Variants in RTEL1 observed in about 807,000 individuals in gnomAD.
RTEL1 encodes regulator of telomere length.
RTEL1 carries 86 observed loss-of-function variants against 162.2 expected under a neutral mutation model. The ratio of observed to expected loss-of-function variants is 0.53; its 90% CI spans 0.45 to 0.63. The LOEUF is 0.63. Ranked by LOEUF, RTEL1 falls within the 30% of genes least tolerant of loss-of-function variation. The pLI, the probability that RTEL1 is intolerant of heterozygous loss-of-function variation, is 0.00. For missense variants in RTEL1, 1,941 were observed against 1,750.2 expected (o/e 1.11, Z -1.95); for synonymous variants, 958 against 717.9 (o/e 1.33, Z -5.35).
rs770791428 is a variant in RTEL1, at chr20:63,665,987, CT to C, written c.539-16del. On this transcript the variant is annotated splice_polypyrimidine_tract_variant and intron_variant, in intron 6 of 34. Transcript: ENST00000360203. ...GGACCCTGAGGGTGTGTGTTTACCCCTGCCTCACACCTGCAGAAAAAAGCCT... is the reference window on the plus strand; with the variant it reads ...GGACCCTGAGGGTGTGTGTTTACCCCGCCTCACACCTGCAGAAAAAAGCCT... 10 of 1,612,814 alleles carry C rather than the reference CT, an allele frequency of 6.2e-6. 1 individual carries two copies. Among genetic ancestry groups the C allele is most frequent in the South Asian group, 2.2e-5 (2 of 91,022 alleles).
chr20:63,668,869 G>C lies in RTEL1; in HGVS notation c.699+1316G>C, dbSNP rs536317613. Among the ~76,000 whole-genome samples, 1 of 152,332 alleles carries C rather than the reference G, an allele frequency of 6.6e-6. No homozygotes were observed. The highest frequency in any genetic ancestry group is 2.4e-5 in the African/African-American group (1 of 41,578). On this transcript the variant is annotated intron_variant, in intron 8 of 34. Transcript: ENST00000360203. This position sits in a 1 kb window ranked among gnomAD's most constrained non-coding sequence, Gnocchi z 4.3. ...AGAACAGAGCTGGAGGACTCACCTC[G>C]CTGGTTTCAAGACTCCTCTAAAGCT...
chr20:63,690,493 C>A, intron 26 of RTEL1, 52 bp downstream of exon 26: 3 of 531,870 alleles, frequency 5.6e-6, no homozygotes, highest in South Asian at 2.0e-5. Context: ...GAGCGGGCGG[C>A]GTGGGGCGGG....
Position 63,688,786 on chromosome 20 carries a change from G to A in RTEL1, c.1800+181G>A. ...TGCCTCTTATCTTACAAAGCCCCCA[G>A]CACCGGGTGGGTGTGGTAACAGTGG... On this transcript the variant is annotated intron_variant, in intron 21 of 34. Transcript: ENST00000360203. 4.6e-6 allele frequency: 3 copies of A among 648,568 alleles called. No homozygotes were observed. In the South Asian group the frequency reaches 5.8e-5, roughly 13 times the overall value. The allele number at this position is 648,568 out of a possible 1,614,324, so 40.2% of individuals were successfully genotyped here. A position where few individuals can be genotyped will look rare whatever the true frequency, so the allele number is the denominator to read the frequency against.
At position 63,668,422 on chromosome 20, in the gene RTEL1, G is replaced by T. The variant is rs1266205976; in HGVS notation, c.699+869G>T. 6.6e-6 allele frequency among the ~76,000 whole-genome samples: 1 copy of T among 152,170 alleles called. No homozygotes were observed. The highest frequency in any genetic ancestry group is 1.5e-5 in the Non-Finnish European group (1 of 68,032). ...ACATGGAGCTTTGATTCTAGTGGTG[G>T]GGACAGGTGGACAGCAAAAGAGTAA... On this transcript the variant is annotated intron_variant, in intron 8 of 34. Coordinates refer to ENST00000360203, the MANE Select transcript of RTEL1 (RefSeq NM_001283009.2). The surrounding 1 kb of genome is among the most constrained non-coding windows in gnomAD (Gnocchi z 4.3).
At chr20:63,664,864 TG>T (rs960973572) in intron 6 of RTEL1, among the ~76,000 whole-genome samples, 131 of 152,274 alleles carry the variant, frequency 8.6e-4, no homozygotes, top group African/African-American at 3.0e-3. Flanking sequence ...ACAGCAAGCT[TG>T]GGGTCAGCCT....
chr20:63,682,064 T>C, intron 14 of RTEL1: 1 of 985,444 alleles, frequency 1.0e-6, no homozygotes, highest in Non-Finnish European at 1.2e-6. Context: ...GCCCAGGGCC[T>C]GGAGGGCAGG....
intron 10 of RTEL1, among the ~76,000 whole-genome samples, chr20:63,674,553 T>C (rs1424191856): frequency 6.6e-6 from 1 of 152,130 alleles, no homozygotes; most frequent in Non-Finnish European, 1.5e-5. Flanking sequence ...GCCAAAAAAT[T>C]AGCCAGGTGT....
Position 63,690,408 on chromosome 20 carries a change from C to G in RTEL1, c.2380C>G (p.Leu794Val). 6.2e-7 allele frequency: 1 copy of G among 1,604,012 alleles called. No homozygotes were observed. Among genetic ancestry groups the G allele is most frequent in the Non-Finnish European group, 8.5e-7 (1 of 1,174,342 alleles). ...FSTRKAKSLD[L>V]HVPSLKQRSS... is the part of the protein sequence containing the mutation. Reference sequence around the variant, plus strand: ...CACCAGGAAAGCTAAGAGTCTGGACCTGCATGTCCCCAGCCTGAAGCAGAG... The same window carrying G: ...CACCAGGAAAGCTAAGAGTCTGGACGTGCATGTCCCCAGCCTGAAGCAGAG... Residue 794 changes from leucine to valine, a missense_variant, in exon 26 of 35, where the codon CTG (leucine) becomes GTG (valine). By Grantham distance (32) the Leu-to-Val change is conservative. Coordinates refer to ENST00000360203, the MANE Select transcript of RTEL1 (RefSeq NM_001283009.2).
rs370145267 is a variant in RTEL1, at chr20:63,688,059, C to T, written c.1595+9C>T. 5.0e-5 allele frequency: 81 copies of T among 1,612,410 alleles called. No individual in the cohort carries two copies. In the African/African-American group the frequency reaches 6.1e-4, roughly 12 times the overall value. ...TCCGCGTTTGACAGACGGTGAGGGC[C>T]TGTCCCTGGGCCCTGCTGGGGTGGG... On this transcript the variant is annotated intron_variant, in intron 18 of 34. Coordinates refer to ENST00000360203, the MANE Select transcript of RTEL1 (RefSeq NM_001283009.2).
chr20:63,692,635 T>G (rs993785580), intron 28 of RTEL1, 170 bp from the exon 29 acceptor site: 34 of 647,626 alleles, frequency 5.2e-5, no homozygotes, highest in Non-Finnish European at 8.5e-5. Context: ...CACAGCTTTC[T>G]TCCCGCAGCC....
intron 30 of RTEL1, among the ~76,000 whole-genome samples, chr20:63,693,795 C>T (rs2090887062): frequency 8.5e-6 from 1 of 117,938 alleles, no homozygotes; most frequent in South Asian, 2.9e-4. Flanking sequence ...TTGGGGAGAC[C>T]CTGTGCAACT....
At position 63,667,050 on chromosome 20, in the gene RTEL1, A is replaced by G. The variant is rs193026985; in HGVS notation, c.615-419A>G. On this transcript the variant is annotated intron_variant, in intron 7 of 34. Coordinates refer to ENST00000360203, the MANE Select transcript of RTEL1 (RefSeq NM_001283009.2). ...GAGACGGGGTTTCACCGTGTTAGCC[A>G]GGATGGTCTCGATCTTCTGACCTTG... Among the ~76,000 whole-genome samples, 605 of 149,468 alleles carry G rather than the reference A, an allele frequency of 4.0e-3. 6 individuals are homozygous for G. Among genetic ancestry groups the G allele is most frequent in the East Asian group, 0.017 (82 of 4,966 alleles).
intron 28 of RTEL1, 104 bp from the exon 29 acceptor site, chr20:63,692,701 G>T (rs2090780145): frequency 8.7e-7 from 1 of 1,144,524 alleles, no homozygotes; most frequent in Non-Finnish European, 1.3e-6. Flanking sequence ...CACCTCGGCA[G>T]TCACTGTCCC....
In RTEL1 at chr20:63,661,712, C is replaced by A; in HGVS notation, c.302-138C>A. The A allele has an allele frequency of 1.1e-6, 1 of 907,688 alleles. No individual in the cohort carries two copies. Among genetic ancestry groups the A allele is most frequent in the Non-Finnish European group, 1.7e-6 (1 of 579,922 alleles). The allele number at this position is 907,688 out of a possible 1,614,324, so 56.2% of individuals were successfully genotyped here. A position where few individuals can be genotyped will look rare whatever the true frequency, so the allele number is the denominator to read the frequency against. On this transcript the variant is annotated intron_variant, in intron 3 of 34. Coordinates refer to ENST00000360203, the MANE Select transcript of RTEL1 (RefSeq NM_001283009.2). This position sits in a 1 kb window ranked among gnomAD's most constrained non-coding sequence, Gnocchi z 5.1. ...GGGCACGGCAGATGCCCACTTCACC[C>A]ATTTTTGATAAACCAGTATCTGGGG...
At chr20:63,690,523 C>A in intron 26 of RTEL1, 82 bp downstream of exon 26, 2 of 1,420,734 alleles carry the variant, frequency 1.4e-6, no homozygotes, top group Non-Finnish European at 1.9e-6. Flanking sequence ...GCGCCCAGGG[C>A]GGAGGCGACT....
intron 24 of RTEL1, 94 bp downstream of exon 24, chr20:63,689,959 C>T: frequency 6.5e-7 from 1 of 1,548,888 alleles, no homozygotes; most frequent in Non-Finnish European, 8.8e-7. Flanking sequence ...GGCCCCGTCT[C>T]CTCCAGAGCC....
At chr20:63,681,381 C>T in intron 14 of RTEL1, 1 of 985,294 alleles carries the variant, frequency 1.0e-6, no homozygotes, top group African/African-American at 1.7e-5. Flanking sequence ...GAAGCAGACT[C>T]AGAAGTCCCT....
rs147179836 is a variant in RTEL1 at position 63,694,622 on chromosome 20, G to A, written c.3110-119G>A. The A allele has an allele frequency of 2.0e-4, 248 of 1,211,212 alleles. 5 individuals are homozygous for A. The East Asian group carries it at 5.6e-3, about 28-fold the overall frequency. 75.0% of individuals were successfully genotyped at this position (1,211,212 alleles called of 1,614,324 possible). A position where few individuals can be genotyped will look rare whatever the true frequency, so the allele number is the denominator to read the frequency against. On this transcript the variant is annotated intron_variant, in intron 31 of 34. Transcript: ENST00000360203. ...CATGGTGGGGACTGCTCCCGGTTCTGCACCCCGCAGTTGTCCTGAGCAGCT... is the reference window on the plus strand; with the variant it reads ...CATGGTGGGGACTGCTCCCGGTTCTACACCCCGCAGTTGTCCTGAGCAGCT...
intron 14 of RTEL1, chr20:63,682,544 G>T (rs1002473256): frequency 5.1e-6 from 5 of 985,862 alleles, no homozygotes; most frequent in Non-Finnish European, 6.0e-6. Flanking sequence ...ATTTCCTTTG[G>T]CTGCTGCTCT....
Sources: gnomAD v4.1 joint callset for allele counts (sites outside exome capture counted in the v4.1 genomes callset) on GRCh38, gnomAD v4.1.1 for gene constraint, Gnocchi (gnomAD v3.1) non-coding constraint, MANE v1.5 for transcripts, NCBI Gene and HGNC (gene_info 2026-07-23, HGNC 2026-07-21) for gene names.